Variants in ZNF407 observed in about 807,000 individuals in gnomAD.
ZNF407 encodes the protein zinc finger protein 407.
ZNF407 carries 17 observed loss-of-function variants against 131.2 expected under a neutral mutation model. The ratio of observed to expected loss-of-function variants is 0.13; its 90% CI spans 0.09 to 0.19. ZNF407 has a LOEUF of 0.19. Ranked by LOEUF, ZNF407 falls within the 10% of genes least tolerant of loss-of-function variation. ZNF407 has a pLI of 1.00. For missense variants in ZNF407, 2,681 were observed against 2,830.6 expected, an observed-to-expected ratio of 0.95 and a Z score of 1.20; for synonymous variants, 1,156 against 1,062.0, an observed-to-expected ratio of 1.09 and a Z score of -1.72.
At chr18:74,684,947 A>T (rs1277403876) in intron 3 of ZNF407, among the ~76,000 whole-genome samples, 1 of 152,034 alleles carries the variant, frequency 6.6e-6, no homozygotes, top group Non-Finnish European at 1.5e-5. Context: ...TGGAATGCTG[A>T]AAAAAAACCT....
intron 3 of ZNF407, among the ~76,000 whole-genome samples, chr18:74,702,104 C>G (rs958437686): frequency 6.6e-6 from 1 of 152,052 alleles, no homozygotes; most frequent in Non-Finnish European, 1.5e-5. Flanking sequence ...GGTATTAGAT[C>G]AGAGGTGGCA....
intron 8 of ZNF407, among the ~76,000 whole-genome samples, chr18:74,967,526 C>T (rs914163821): frequency 6.6e-6 from 1 of 152,142 alleles, no homozygotes; most frequent in Non-Finnish European, 1.5e-5. Context: ...CTTGCCTCTT[C>T]AATCATTACC....
At chr18:74,928,610 C>A (rs1971943201) in intron 8 of ZNF407, among the ~76,000 whole-genome samples, 1 of 152,200 alleles carries the variant, frequency 6.6e-6, no homozygotes, top group Admixed American at 6.5e-5. Flanking sequence ...TCTTATAAGA[C>A]CTGCTATCTG....
chr18:74,986,930 A>C (rs1379736656), intron 8 of ZNF407, among the ~76,000 whole-genome samples: 1 of 152,162 alleles, frequency 6.6e-6, no homozygotes, highest in Non-Finnish European at 1.5e-5. Context: ...ACATTCTTTA[A>C]CATGTTAATG....
At chr18:74,929,579 T>C (rs576597729) in intron 8 of ZNF407, among the ~76,000 whole-genome samples, 1 of 152,278 alleles carries the variant, frequency 6.6e-6, no homozygotes, top group South Asian at 2.1e-4. Flanking sequence ...AACTTACATA[T>C]TTTAAAAATT....
intron 8 of ZNF407, among the ~76,000 whole-genome samples, chr18:75,002,304 T>G (rs910310392): frequency 1.2e-4 from 18 of 152,226 alleles, no homozygotes; most frequent in Non-Finnish European, 2.5e-4. Flanking sequence ...GGTAATAGAC[T>G]TTCCTTTTTC....
chr18:74,990,818 A>G (rs563976370), intron 8 of ZNF407, among the ~76,000 whole-genome samples: 10 of 152,320 alleles, frequency 6.6e-5, no homozygotes, highest in South Asian at 4.1e-4. Flanking sequence ...AAATTGCCCT[A>G]TGGATGAACT....
intron 3 of ZNF407, among the ~76,000 whole-genome samples, chr18:74,661,507 T>C (rs1985713415): frequency 1.3e-5 from 2 of 151,560 alleles, no homozygotes; most frequent in African/African-American, 4.8e-5. Flanking sequence ...AAATGCCAAA[T>C]GTGATTTTAA....
intron 8 of ZNF407, among the ~76,000 whole-genome samples, chr18:74,969,062 T>C (rs541213027): frequency 6.6e-6 from 1 of 152,358 alleles, no homozygotes; most frequent in South Asian, 2.1e-4. Context: ...GCCCAGCCAA[T>C]GATTTTTAAG....
At chr18:75,028,880 G>T (rs1973203101) in intron 8 of ZNF407, among the ~76,000 whole-genome samples, 1 of 152,188 alleles carries the variant, frequency 6.6e-6, no homozygotes. Context: ...CTGCGAACAT[G>T]GATGATTTAT....
chr18:74,949,455 A>G (rs966533139), intron 8 of ZNF407, among the ~76,000 whole-genome samples: 26 of 152,266 alleles, frequency 1.7e-4, no homozygotes, highest in African/African-American at 6.0e-4. Context: ...CTAGATCACA[A>G]CCCTAATCTC....
At chr18:74,969,171 G>T (rs747014223) in intron 8 of ZNF407, among the ~76,000 whole-genome samples, 5 of 152,094 alleles carry the variant, frequency 3.3e-5, no homozygotes, top group African/African-American at 1.2e-4. Flanking sequence ...TTTGTTTCAC[G>T]AGAGTTTATA....
chr18:74,640,938 G>A (rs1275551579), intron 2 of ZNF407, 70 bp from the exon 3 acceptor site: 16 of 1,150,906 alleles, frequency 1.4e-5, no homozygotes, highest in Non-Finnish European at 2.1e-5. Flanking sequence ...TTAAGATTTA[G>A]TCCTCTTTTC....
chr18:74,721,207 C>T (rs1205612609), intron 3 of ZNF407, among the ~76,000 whole-genome samples: 1 of 152,058 alleles, frequency 6.6e-6, no homozygotes, highest in Non-Finnish European at 1.5e-5. Context: ...GGTCTTTCAC[C>T]TCCTTGGTTA....
At chr18:74,826,478 A>G (rs953991257) in intron 4 of ZNF407, among the ~76,000 whole-genome samples, 11 of 152,228 alleles carry the variant, frequency 7.2e-5, no homozygotes, top group African/African-American at 2.2e-4. Flanking sequence ...TCAGAAACAG[A>G]GCAAGTTTTA....
chr18:74,899,907 G>A (rs537320038), intron 7 of ZNF407, among the ~76,000 whole-genome samples: 60 of 152,342 alleles, frequency 3.9e-4, no homozygotes, highest in African/African-American at 1.3e-3. Context: ...CTTTTGCCTG[G>A]TGTTCACAGA....
intron 4 of ZNF407, among the ~76,000 whole-genome samples, chr18:74,835,415 G>A (rs775897368): frequency 1.5e-4 from 23 of 152,168 alleles, no homozygotes; most frequent in Non-Finnish European, 2.5e-4. Flanking sequence ...ATTGGTCCCC[G>A]CCTCTGAGGG....
chr18:74,845,927 A>G (rs1367098219), intron 4 of ZNF407, among the ~76,000 whole-genome samples: 3 of 152,182 alleles, frequency 2.0e-5, no homozygotes, highest in African/African-American at 7.2e-5. Context: ...AATCCCTCAC[A>G]CTTTGAAATG....
chr18:74,745,873 A>C (rs1186213797), intron 3 of ZNF407, among the ~76,000 whole-genome samples: 2 of 151,776 alleles, frequency 1.3e-5, no homozygotes, highest in Non-Finnish European at 2.9e-5. Flanking sequence ...TCATTTGCTC[A>C]CTCTGTCTGT....
Sources: gnomAD v4.1 joint callset for allele counts (sites outside exome capture counted in the v4.1 genomes callset) on GRCh38, gnomAD v4.1.1 for gene constraint, MANE v1.5 for transcripts, NCBI Gene and HGNC (gene_info 2026-07-23, HGNC 2026-07-21) for gene names.